The following CTNNA2 variants were observed in gnomAD, a reference collection of about 807,000 sequenced individuals.
The protein encoded by CTNNA2 is catenin alpha-2.
CTNNA2 carries 42 observed loss-of-function variants against 101.0 expected under a neutral mutation model. That is an observed-to-expected ratio of 0.42 (90% CI 0.32 to 0.54). CTNNA2 has a LOEUF of 0.54. Among genes scored for constraint, CTNNA2 ranks in the 20% least tolerant of loss-of-function variants. The probability of loss-of-function intolerance (pLI) is 0.14; values close to 1 mark genes in which losing one functional copy is unlikely to be tolerated. For missense variants in CTNNA2, 871 were observed against 1,223.1 expected (o/e 0.71, Z 4.29); for synonymous variants, 450 against 456.4 (o/e 0.99, Z 0.18).
intron 2 of CTNNA2, among the ~76,000 whole-genome samples, chr2:79,278,444 C>A (rs569452999): frequency 1.3e-5 from 2 of 151,394 alleles, no homozygotes; most frequent in South Asian, 4.2e-4. Context: ...GTAGGGACAG[C>A]AAAAGCATAG....
chr2:79,965,766 G>T (rs545896894), intron 7 of CTNNA2, among the ~76,000 whole-genome samples: 3 of 136,426 alleles, frequency 2.2e-5, no homozygotes, highest in Non-Finnish European at 4.6e-5. Context: ...AGAGGTTGCA[G>T]TGAGACAAGA....
chr2:80,563,876 C>T (rs1434063), intron 12 of CTNNA2, among the ~76,000 whole-genome samples: 115,349 of 151,990 alleles, frequency 0.76, 44,019 homozygotes, highest in East Asian at 0.86. Context: ...TTTCTACTTA[C>T]GTTTATATCT....
At chr2:79,281,805 A>G (rs7596189) in intron 2 of CTNNA2, among the ~76,000 whole-genome samples, 87,320 of 152,122 alleles carry the variant, frequency 0.57, 27,599 homozygotes, top group East Asian at 0.71. Context: ...TATTTGCCTT[A>G]TATTTGTGAA....
intron 1 of CTNNA2, among the ~76,000 whole-genome samples, chr2:79,523,818 G>A (rs978952213): frequency 4.6e-5 from 7 of 151,958 alleles, no homozygotes; most frequent in African/African-American, 1.7e-4. Context: ...AGATAAATTT[G>A]TTTCCCAGAT....
At chr2:79,807,444 T>C (rs868032) in intron 3 of CTNNA2, among the ~76,000 whole-genome samples, 29,064 of 152,122 alleles carry the variant, frequency 0.19, 3,773 homozygotes, top group East Asian at 0.52. Context: ...AACATATTTC[T>C]GCATCTTAAT....
At chr2:79,282,079 A>G (rs1162525202) in intron 2 of CTNNA2, among the ~76,000 whole-genome samples, 2 of 152,150 alleles carry the variant, frequency 1.3e-5, no homozygotes, top group Non-Finnish European at 2.9e-5. Context: ...GATCTTCAAG[A>G]TACCTTTACA....
chr2:79,595,398 C>G (rs1260818679), intron 1 of CTNNA2, among the ~76,000 whole-genome samples: 5 of 152,172 alleles, frequency 3.3e-5, no homozygotes, highest in Non-Finnish European at 2.9e-5. Flanking sequence ...CCTGAGCCTT[C>G]AGACCACTTT....
At chr2:80,056,028 G>A (rs1697192811) in intron 7 of CTNNA2, among the ~76,000 whole-genome samples, 1 of 152,122 alleles carries the variant, frequency 6.6e-6, no homozygotes. Flanking sequence ...TAAACAACTG[G>A]GCAATGCATG....
At chr2:79,675,644 C>T (rs1010971291) in intron 2 of CTNNA2, among the ~76,000 whole-genome samples, 7 of 152,014 alleles carry the variant, frequency 4.6e-5, no homozygotes, top group Admixed American at 2.6e-4. Flanking sequence ...TTATGTAAAA[C>T]GAGGTGCTTT....
At chr2:79,592,370 G>A (rs1188199358) in intron 1 of CTNNA2, among the ~76,000 whole-genome samples, 1 of 151,926 alleles carries the variant, frequency 6.6e-6, no homozygotes, top group Non-Finnish European at 1.5e-5. Context: ...GACCTCAGGT[G>A]ATCCACCCGC....
intron 9 of CTNNA2, among the ~76,000 whole-genome samples, chr2:80,508,246 GAACA>G (rs1267146404): frequency 2.0e-5 from 3 of 152,080 alleles, no homozygotes; most frequent in African/African-American, 7.2e-5. Flanking sequence ...GAAAGGAATG[GAACA>G]ATCACTTGAG....
chr2:79,422,558 C>T (rs537475321), intron 4 of CTNNA2, among the ~76,000 whole-genome samples: 26 of 151,990 alleles, frequency 1.7e-4, no homozygotes, highest in Non-Finnish European at 3.2e-4. Flanking sequence ...ACAGAACCAA[C>T]AAAACAAAGT....
chr2:79,709,777 A>T (rs1685626358), intron 2 of CTNNA2, among the ~76,000 whole-genome samples: 1 of 152,180 alleles, frequency 6.6e-6, no homozygotes, highest in Non-Finnish European at 1.5e-5. Context: ...GGTGGGGTAC[A>T]GAGCGAGACC....
At chr2:79,206,985 A>G (rs1199614329) in intron 2 of CTNNA2, among the ~76,000 whole-genome samples, 20 of 152,090 alleles carry the variant, frequency 1.3e-4, no homozygotes, top group Admixed American at 1.3e-3. Flanking sequence ...TGTAGGTGAC[A>G]GTATCACATC....
chr2:79,328,956 C>A (rs1676809189), intron 3 of CTNNA2, among the ~76,000 whole-genome samples: 1 of 152,146 alleles, frequency 6.6e-6, no homozygotes, highest in Non-Finnish European at 1.5e-5. Flanking sequence ...TAATCTCTGC[C>A]TCTGTCTTCA....
intron 7 of CTNNA2, among the ~76,000 whole-genome samples, chr2:80,108,205 A>G (rs1046292321): frequency 1.3e-5 from 2 of 152,200 alleles, no homozygotes; most frequent in Non-Finnish European, 2.9e-5. Flanking sequence ...AGAGGGGAGC[A>G]GCCTTGGGTA....
At chr2:80,592,696 A>G (rs1401179054) in intron 15 of CTNNA2, among the ~76,000 whole-genome samples, 1 of 142,188 alleles carries the variant, frequency 7.0e-6, no homozygotes, top group South Asian at 2.2e-4. Flanking sequence ...TACATTTGCA[A>G]ATACCCTTTT....
intron 7 of CTNNA2, among the ~76,000 whole-genome samples, chr2:80,354,854 G>A (rs1266078089): frequency 2.0e-5 from 3 of 152,136 alleles, no homozygotes; most frequent in Non-Finnish European, 4.4e-5. Flanking sequence ...TCAGTTGTAT[G>A]CCAGAAGATC....
chr2:80,414,930 G>T (rs1056497106), intron 8 of CTNNA2, among the ~76,000 whole-genome samples: 4 of 152,114 alleles, frequency 2.6e-5, no homozygotes, highest in African/African-American at 9.7e-5. Context: ...ATGGGGCCTT[G>T]GTTTTGCATT....
Sources: gnomAD v4.1 joint callset for allele counts (sites outside exome capture counted in the v4.1 genomes callset) on GRCh38, gnomAD v4.1.1 for gene constraint, MANE v1.5 for transcripts, NCBI Gene and HGNC (gene_info 2026-07-23, HGNC 2026-07-21) for gene names.